The following NOX3 variants were observed in gnomAD, a reference collection of about 807,000 sequenced individuals.
The protein encoded by NOX3 is NADPH oxidase 3.
A neutral mutation model predicts 76.7 loss-of-function variants in NOX3; 74 were observed. That is an observed-to-expected ratio of 0.96 (90% CI 0.80 to 1.17). The LOEUF (loss-of-function observed/expected upper bound fraction) is 1.17. Ranked by LOEUF, NOX3 falls within the 50% of genes most tolerant of loss-of-function variation. NOX3 has a pLI of 0.00. For missense variants in NOX3, 695 were observed against 703.3 expected (o/e 0.99, Z 0.13); for synonymous variants, 263 against 261.1 (o/e 1.01, Z -0.07).
At chr6:155,427,368 T>A (rs981830012) in intron 9 of NOX3, among the ~76,000 whole-genome samples, 1 of 152,208 alleles carries the variant, frequency 6.6e-6, no homozygotes, top group Non-Finnish European at 1.5e-5. Flanking sequence ...ACATTTTGTG[T>A]CTCAAATTTA....
chr6:155,398,044 T>C (rs1197503663), intron 12 of NOX3, among the ~76,000 whole-genome samples: 1 of 152,212 alleles, frequency 6.6e-6, no homozygotes, highest in Admixed American at 6.5e-5. Context: ...GGTGCATCAG[T>C]CTCTATAGAG....
At chr6:155,426,987 G>GTGTGTGTGTA (rs1562465082) in intron 9 of NOX3, among the ~76,000 whole-genome samples, 2 of 89,192 alleles carry the variant, frequency 2.2e-5, no homozygotes, top group East Asian at 6.0e-4. Flanking sequence ...ACTGTGGCGT[G>GTGTGTGTGTA]TGTGTGTGTG....
rs747946512 is a variant in NOX3, at chr6:155,455,774, CTCAT to C, written c.23_26del (p.Asn8ArgfsTer7). The C allele has an allele frequency of 1.2e-6, 2 of 1,613,626 alleles. No homozygotes were observed. The highest frequency in any genetic ancestry group is 1.7e-6 in the Non-Finnish European group (2 of 1,179,632). On this transcript the variant is annotated frameshift_variant, in exon 1 of 14. Transcript: ENST00000159060. LOFTEE classifies it high-confidence loss of function. The stretch of plus-strand genomic sequence containing the variant: ...TTACTACTAATATGGTGGAGAGACC[CTCAT>C]TCAAAATCCAGCACCCCATCATGAT...
chr6:155,453,624 C>G, intron 3 of NOX3, 136 bp from the exon 4 acceptor site: 1 of 679,534 alleles, frequency 1.5e-6, no homozygotes, highest in Non-Finnish European at 2.7e-6. Context: ...AAGTTAATGG[C>G]CATTAGTCAA....
intron 9 of NOX3, among the ~76,000 whole-genome samples, chr6:155,427,262 T>C (rs369383960): frequency 1.7e-3 from 257 of 152,234 alleles, no homozygotes; most frequent in African/African-American, 6.0e-3. Flanking sequence ...AAAGGAGGCC[T>C]GTGACTCTTC....
chr6:155,422,560 A>G (rs939411628), intron 10 of NOX3, 134 bp downstream of exon 10: 7 of 780,470 alleles, frequency 9.0e-6, no homozygotes, highest in South Asian at 1.9e-5. Flanking sequence ...TTTTAAGAAC[A>G]TAAGTATAGT....
chr6:155,413,344 G>A (rs1457908144), intron 10 of NOX3, among the ~76,000 whole-genome samples: 2 of 152,072 alleles, frequency 1.3e-5, no homozygotes, highest in Admixed American at 1.3e-4. Flanking sequence ...AAGGAGATGG[G>A]CGAGGGGAGG....
At chr6:155,454,203 C>T (rs757476196) in intron 3 of NOX3, among the ~76,000 whole-genome samples, 12 of 152,168 alleles carry the variant, frequency 7.9e-5, no homozygotes, top group Middle Eastern at 3.4e-3. Flanking sequence ...TTGTAAAAAC[C>T]ATAGTATCTG....
chr6:155,407,017 T>A, intron 12 of NOX3, 113 bp downstream of exon 12: 1 of 1,147,134 alleles, frequency 8.7e-7, no homozygotes, highest in South Asian at 1.5e-5. Context: ...CTAAGGTAGA[T>A]GTTTTGTCTC....
intron 9 of NOX3, among the ~76,000 whole-genome samples, chr6:155,428,043 G>A (rs1467968230): frequency 6.6e-6 from 1 of 152,188 alleles, no homozygotes; most frequent in East Asian, 1.9e-4. Flanking sequence ...TGGGATTACA[G>A]GCATGTGCCA....
chr6:155,415,154 G>A (rs1465873256), intron 10 of NOX3, among the ~76,000 whole-genome samples: 1 of 152,174 alleles, frequency 6.6e-6, no homozygotes, highest in African/African-American at 2.4e-5. Flanking sequence ...TCATTTTCAT[G>A]TTTTCCCAAG....
intron 10 of NOX3, among the ~76,000 whole-genome samples, chr6:155,420,816 T>C (rs1179977434): frequency 1.3e-5 from 2 of 152,212 alleles, no homozygotes; most frequent in Non-Finnish European, 2.9e-5. Context: ...TCTAGGCCAT[T>C]AGTAATAGCA....
In NOX3 at chr6:155,429,036, G is replaced by A. The variant is rs772030084; in HGVS notation, c.903C>T (p.His301=). The change falls in exon 9 of 14, where the codon CAC becomes CAT. Residue 301 remains histidine, a synonymous_variant. Transcript: ENST00000159060. The part of the protein sequence containing the change: ...QEVVITKVVS[H]PSGVLELHMK... ...TGTGAAGTTCCAGGACTCCAGAGGG[G>A]TGGCTTACCACCTATGTGAGAGTGA... 9 of 1,597,496 alleles carry A rather than the reference G, an allele frequency of 5.6e-6. No homozygotes were observed. In the Admixed American group the frequency reaches 6.8e-5, roughly 12 times the overall value.
chr6:155,427,869 C>T (rs1387461799), intron 9 of NOX3, among the ~76,000 whole-genome samples: 2 of 151,962 alleles, frequency 1.3e-5, no homozygotes, highest in Non-Finnish European at 2.9e-5. Flanking sequence ...TGTTATGTGC[C>T]CAGGCTTTTT....
intron 10 of NOX3, among the ~76,000 whole-genome samples, chr6:155,418,463 T>C (rs1294221354): frequency 1.3e-5 from 2 of 152,148 alleles, no homozygotes; most frequent in African/African-American, 4.8e-5. Context: ...GCGTTGAAAA[T>C]ATTTCTTTCA....
chr6:155,440,480 A>C (rs34255545), intron 5 of NOX3, among the ~76,000 whole-genome samples: 24,776 of 151,746 alleles, frequency 0.16, 2,299 homozygotes, highest in East Asian at 0.33. Flanking sequence ...CACATAAATA[A>C]ATTAAAAAAA....
At chr6:155,415,166 C>T (rs1009268900) in intron 10 of NOX3, among the ~76,000 whole-genome samples, 4 of 152,192 alleles carry the variant, frequency 2.6e-5, no homozygotes, top group African/African-American at 9.7e-5. Flanking sequence ...TTTCCCAAGC[C>T]AAGGCTTCTC....
chr6:155,431,438 A>ACACACACACG (rs1399716681), intron 7 of NOX3, among the ~76,000 whole-genome samples: 2 of 151,924 alleles, frequency 1.3e-5, no homozygotes, highest in Non-Finnish European at 2.9e-5. Context: ...ACACACACAC[A>ACACACACACG]CACACACACA....
chr6:155,417,435 C>A (rs1450589063), intron 10 of NOX3, among the ~76,000 whole-genome samples: 1 of 152,186 alleles, frequency 6.6e-6, no homozygotes, highest in Non-Finnish European at 1.5e-5. Flanking sequence ...TGTAGTCACG[C>A]AATCTGTGGT....
Sources: allele counts gnomAD v4.1 joint callset (sites outside exome capture counted in the v4.1 genomes callset), GRCh38; gene constraint gnomAD v4.1.1; transcripts MANE v1.5; gene names NCBI Gene and HGNC (gene_info 2026-07-23, HGNC 2026-07-21).